The following MN1 variants were observed in gnomAD, a reference collection of about 807,000 sequenced individuals.
The protein encoded by MN1 is transcriptional activator MN1.
In MN1, 19 loss-of-function variants were observed where a neutral mutation model predicts 86.9. That is an observed-to-expected ratio of 0.22 (90% CI 0.15 to 0.32). The LOEUF is 0.32. Ranked by LOEUF, MN1 falls within the 10% of genes least tolerant of loss-of-function variation. The pLI is 1.00. For missense variants in MN1, 1,841 were observed against 1,862.0 expected (o/e 0.99, Z 0.21); for synonymous variants, 928 against 849.6 (o/e 1.09, Z -1.60).
At chr22:27,769,081 T>C (rs1015841544) in intron 1 of MN1, among the ~76,000 whole-genome samples, 1 of 152,180 alleles carries the variant, frequency 6.6e-6, no homozygotes, top group Non-Finnish European at 1.5e-5. Context: ...CATAGACTGA[T>C]GTAAATTTGG....
chr22:27,790,482 C>A (rs908145843), intron 1 of MN1, among the ~76,000 whole-genome samples: 1 of 152,172 alleles, frequency 6.6e-6, no homozygotes, highest in Admixed American at 6.5e-5. Context: ...CACAGTTTCT[C>A]GGGGCCCTGG....
rs1166405134 is a variant in MN1, at chr22:27,750,444, A to G, written c.*471T>C. ...TTCCATTTTAATAAGCAGTGAACAA[A>G]GCAAAAAGAAAATAAAAGGGGAGGG... On this transcript the variant is annotated 3_prime_UTR_variant, in exon 2 of 2. Transcript: ENST00000302326. 1 of 226,348 alleles carries G rather than the reference A, an allele frequency of 4.4e-6. No individual in the cohort carries two copies. Among genetic ancestry groups the G allele is most frequent in the African/African-American group, 2.2e-5 (1 of 44,994 alleles). The allele number at this position is 226,348 out of a possible 1,614,324, so 14.0% of individuals were successfully genotyped here. A position where few individuals can be genotyped will look rare whatever the true frequency, so the allele number is the denominator to read the frequency against.
chr22:27,769,707 C>T (rs965398029), intron 1 of MN1, among the ~76,000 whole-genome samples: 5 of 151,632 alleles, frequency 3.3e-5, no homozygotes, highest in African/African-American at 9.7e-5. Context: ...GCACCCACCA[C>T]GCCCTGTTAA....
In MN1 at chr22:27,800,662, G is replaced by A; in HGVS notation, c.-119C>T. 1 of 1,458,306 alleles carries A rather than the reference G, an allele frequency of 6.9e-7. No individual in the cohort carries two copies. 90.3% of individuals were successfully genotyped at this position (1,458,306 alleles called of 1,614,324 possible). On this transcript the variant is annotated 5_prime_UTR_variant, in exon 1 of 2. Transcript: ENST00000302326. ...GCGCTCCGGGACGCTCAGCACCGCG[G>A]GGGCTCAGCGCGCACCTCCACCCCG... is the stretch of plus-strand genomic sequence containing the variant.
At chr22:27,794,484 G>A (rs1485226311) in intron 1 of MN1, among the ~76,000 whole-genome samples, 2 of 152,242 alleles carry the variant, frequency 1.3e-5, no homozygotes, top group Admixed American at 6.5e-5. Context: ...CCTGATGGAA[G>A]TCCCTGTCGC....
chr22:27,788,206 CT>C (rs1933163364), intron 1 of MN1, among the ~76,000 whole-genome samples: 1 of 152,208 alleles, frequency 6.6e-6, no homozygotes, highest in Admixed American at 6.5e-5. Flanking sequence ...TGCCATGCCC[CT>C]ATCCTGAGAA....
At chr22:27,790,985 A>C (rs1162878136) in intron 1 of MN1, among the ~76,000 whole-genome samples, 1 of 152,162 alleles carries the variant, frequency 6.6e-6, no homozygotes, top group Non-Finnish European at 1.5e-5. Flanking sequence ...GGCCATTGAG[A>C]CTGAAGGGTG....
chr22:27,762,308 T>A (rs1323085776), intron 1 of MN1, among the ~76,000 whole-genome samples: 2 of 152,180 alleles, frequency 1.3e-5, no homozygotes, highest in African/African-American at 4.8e-5. Flanking sequence ...TTGACTCCTC[T>A]GAGCCTCAAT....
chr22:27,777,226 A>G (rs1932989523), intron 1 of MN1, among the ~76,000 whole-genome samples: 1 of 152,186 alleles, frequency 6.6e-6, no homozygotes, highest in African/African-American at 2.4e-5. Flanking sequence ...ATTTGGAGAG[A>G]GACGCAAGCA....
intron 1 of MN1, among the ~76,000 whole-genome samples, chr22:27,757,636 G>A (rs1178852612): frequency 2.6e-5 from 4 of 152,148 alleles, no homozygotes; most frequent in Non-Finnish European, 4.4e-5. Flanking sequence ...GACCTGGTGC[G>A]GGGAGACATT....
intron 1 of MN1, among the ~76,000 whole-genome samples, chr22:27,761,637 G>C (rs1430040868): frequency 2.6e-5 from 4 of 152,098 alleles, no homozygotes; most frequent in Non-Finnish European, 5.9e-5. Context: ...GGGAGGGCCT[G>C]CATTCCCCTT....
At chr22:27,773,605 A>T (rs1932939973) in intron 1 of MN1, among the ~76,000 whole-genome samples, 1 of 152,176 alleles carries the variant, frequency 6.6e-6, no homozygotes, top group African/African-American at 2.4e-5. Context: ...CCATACAACA[A>T]GAGAGGATGC....
chr22:27,757,510 G>A (rs913811024), intron 1 of MN1, among the ~76,000 whole-genome samples: 5 of 152,312 alleles, frequency 3.3e-5, no homozygotes, highest in African/African-American at 4.8e-5. Flanking sequence ...TTTTTAACTC[G>A]GGGCTTATGT....
At chr22:27,777,888 A>G (rs983418136) in intron 1 of MN1, among the ~76,000 whole-genome samples, 26 of 152,062 alleles carry the variant, frequency 1.7e-4, no homozygotes, top group Admixed American at 7.9e-4. Context: ...AAAAAAAAAA[A>G]AGAAAGAAAG....
At chr22:27,770,819 G>C (rs1932907999) in intron 1 of MN1, among the ~76,000 whole-genome samples, 1 of 151,570 alleles carries the variant, frequency 6.6e-6, no homozygotes, top group Non-Finnish European at 1.5e-5. Flanking sequence ...CACCATGCCT[G>C]GCTACTTTTT....
rs1216889165 is a variant in MN1, at chr22:27,750,146, A to T, written c.*769T>A. 1 of 231,724 alleles carries T rather than the reference A, an allele frequency of 4.3e-6. No individual in the cohort carries two copies. The highest frequency in any genetic ancestry group is 2.2e-5 in the African/African-American group (1 of 45,270). 14.4% of individuals were successfully genotyped at this position (231,724 alleles called of 1,614,324 possible). On this transcript the variant is annotated 3_prime_UTR_variant, in exon 2 of 2. Coordinates refer to ENST00000302326, the MANE Select transcript of MN1 (RefSeq NM_002430.3). ...TCCTTCCCACAGAGCAGAGCTGGACACGTCCTCACGTCCATCGCAGAGAGG... is the reference window on the plus strand; with the variant it reads ...TCCTTCCCACAGAGCAGAGCTGGACTCGTCCTCACGTCCATCGCAGAGAGG...
At chr22:27,776,111 C>G (rs1601332323) in intron 1 of MN1, among the ~76,000 whole-genome samples, 1 of 152,242 alleles carries the variant, frequency 6.6e-6, no homozygotes, top group Non-Finnish European at 1.5e-5. Flanking sequence ...TGGGAGAATT[C>G]AAAGGTGGCA....
Position 27,797,533 on chromosome 22 carries a change from G to A in MN1, c.3011C>T (p.Ala1004Val). ...CTTCCCCCAGGATGGCGACGTGAGC[G>A]CCTTTTCGTGGGGCGTCGGTGCCCC... ...TRGAPTPHEK[A>V]LTSPSWGKGA... Residue 1004 changes from alanine to valine, a missense_variant, in exon 1 of 2, where the codon GCG becomes GTG. Transcript: ENST00000302326. The A allele has an allele frequency of 6.2e-7, 1 of 1,608,100 alleles. No individual in the cohort carries two copies. The highest frequency in any genetic ancestry group is 8.5e-7 in the Non-Finnish European group (1 of 1,178,316).
At chr22:27,780,707 C>A (rs753465410) in intron 1 of MN1, among the ~76,000 whole-genome samples, 15 of 152,160 alleles carry the variant, frequency 9.9e-5, no homozygotes, top group Non-Finnish European at 1.8e-4. Flanking sequence ...GGAACTCTCA[C>A]GCACATCCCC....
Sources: allele counts gnomAD v4.1 joint callset (sites outside exome capture counted in the v4.1 genomes callset), GRCh38; gene constraint gnomAD v4.1.1; transcripts MANE v1.5; gene names NCBI Gene and HGNC (gene_info 2026-07-23, HGNC 2026-07-21).